Variants in CDH12 observed in about 807,000 individuals in gnomAD.
The protein encoded by CDH12 is cadherin-12.
A neutral mutation model predicts 74.1 loss-of-function variants in CDH12; 41 were observed. That is an observed-to-expected ratio of 0.55 (90% CI 0.43 to 0.72). The LOEUF (loss-of-function observed/expected upper bound fraction) is 0.72, where lower values mean the gene tolerates loss of function less well. CDH12 is among the 30% of genes least tolerant of loss of function. The pLI, the probability that CDH12 is intolerant of heterozygous loss-of-function variation, is 0.00. For synonymous variants in CDH12, 399 were observed against 355.0 expected (o/e 1.12, Z -1.39); for missense variants, 945 against 977.2 (o/e 0.97, Z 0.44).
intron 3 of CDH12, among the ~76,000 whole-genome samples, chr5:22,307,585 T>C (rs893333657): frequency 1.3e-5 from 2 of 152,304 alleles, no homozygotes; most frequent in Non-Finnish European, 2.9e-5. Flanking sequence ...GTTATTACAC[T>C]GTCCTCATCA....
chr5:21,852,570 G>T (rs745465644), intron 7 of CDH12, among the ~76,000 whole-genome samples: 1 of 151,060 alleles, frequency 6.6e-6, no homozygotes, highest in Non-Finnish European at 1.5e-5. Flanking sequence ...ATCTTTGTTT[G>T]ATTTTTATCT....
At position 22,548,916 on chromosome 5, in the gene CDH12, C is replaced by G. The variant is rs1281374682; in HGVS notation, c.-522-43552G>C. Reference sequence around the variant, plus strand: ...ATTGTCACCCCTCAAAACCATTTGACCACCAAATCCAGGGTTTTTTGTTTG... The same window carrying G: ...ATTGTCACCCCTCAAAACCATTTGAGCACCAAATCCAGGGTTTTTTGTTTG... On this transcript the variant is annotated intron_variant, in intron 1 of 14. Coordinates refer to ENST00000382254, the MANE Select transcript of CDH12 (RefSeq NM_004061.5). Among the ~76,000 whole-genome samples the G allele has an allele frequency of 2.0e-5, 3 of 152,042 alleles. No homozygotes were observed. In the South Asian group the frequency reaches 6.2e-4, roughly 32 times the overall value.
At chr5:22,214,308 T>C (rs376033539) in intron 3 of CDH12, among the ~76,000 whole-genome samples, 6 of 152,168 alleles carry the variant, frequency 3.9e-5, no homozygotes, top group Admixed American at 2.6e-4. Context: ...GACAGCCGAA[T>C]GTGAAGAAAC....
At chr5:21,994,177 G>GA in intron 5 of CDH12, among the ~76,000 whole-genome samples, 1 of 151,752 alleles carries the variant, frequency 6.6e-6, no homozygotes, top group East Asian at 1.9e-4. Flanking sequence ...CAGCTTTTTA[G>GA]AAAAAAGAGT....
At chr5:22,784,703 T>C (rs1218105190) in intron 1 of CDH12, among the ~76,000 whole-genome samples, 1 of 152,172 alleles carries the variant, frequency 6.6e-6, no homozygotes. Context: ...AACTCCATTA[T>C]TGTATTTTCC....
At chr5:22,037,873 T>C (rs992364447) in intron 5 of CDH12, among the ~76,000 whole-genome samples, 8 of 152,128 alleles carry the variant, frequency 5.3e-5, no homozygotes, top group Admixed American at 2.6e-4. Context: ...AGAAAATCCA[T>C]GGCCTCCACC....
chr5:22,269,885 T>G (rs1335170307), intron 3 of CDH12, among the ~76,000 whole-genome samples: 2 of 152,192 alleles, frequency 1.3e-5, no homozygotes, highest in Non-Finnish European at 2.9e-5. Context: ...CATTTTAGCT[T>G]TCATTTGAAA....
At chr5:22,097,254 GAACTCTGGCCC>G (rs1318015691) in intron 4 of CDH12, among the ~76,000 whole-genome samples, 60 of 152,244 alleles carry the variant, frequency 3.9e-4, no homozygotes, top group Admixed American at 1.5e-3. Context: ...AGAGCCCCTG[GAACTCTGGCCC>G]AAGGCTCTCT....
chr5:22,299,148 A>G (rs1737755465), intron 3 of CDH12, among the ~76,000 whole-genome samples: 1 of 152,208 alleles, frequency 6.6e-6, no homozygotes, highest in South Asian at 2.1e-4. Flanking sequence ...ATTTAGGAAA[A>G]TAAAGAGGAA....
chr5:22,474,247 T>C (rs1746081579), intron 2 of CDH12, among the ~76,000 whole-genome samples: 1 of 152,150 alleles, frequency 6.6e-6, no homozygotes, highest in African/African-American at 2.4e-5. Flanking sequence ...GAATGATGAC[T>C]GCAGCTGGGT....
At chr5:22,257,050 T>G (rs1235891828) in intron 3 of CDH12, among the ~76,000 whole-genome samples, 1 of 152,204 alleles carries the variant, frequency 6.6e-6, no homozygotes, top group Non-Finnish European at 1.5e-5. Flanking sequence ...GAGGCTGTTA[T>G]CCTTAGAAAA....
At chr5:22,539,834 C>A (rs748416444) in intron 1 of CDH12, among the ~76,000 whole-genome samples, 1 of 152,168 alleles carries the variant, frequency 6.6e-6, no homozygotes, top group Non-Finnish European at 1.5e-5. Context: ...TTATAAAAAT[C>A]GTATCTCTGA....
chr5:22,128,302 C>T (rs930038084), intron 4 of CDH12, among the ~76,000 whole-genome samples: 2 of 151,924 alleles, frequency 1.3e-5, no homozygotes, highest in African/African-American at 4.8e-5. Context: ...CAAGATGAAA[C>T]TCAGTAAGAT....
chr5:21,934,242 G>A (rs1210555509), intron 6 of CDH12, among the ~76,000 whole-genome samples: 1 of 152,172 alleles, frequency 6.6e-6, no homozygotes, highest in Non-Finnish European at 1.5e-5. Flanking sequence ...TTGGATCATA[G>A]GGGCAGAGTT....
intron 3 of CDH12, among the ~76,000 whole-genome samples, chr5:22,235,900 C>T (rs1399011520): frequency 6.6e-6 from 1 of 152,334 alleles, no homozygotes; most frequent in Non-Finnish European, 1.5e-5. Flanking sequence ...GCATACTACA[C>T]ACCTGGGCTA....
At chr5:22,555,367 A>G (rs535075104) in intron 1 of CDH12, among the ~76,000 whole-genome samples, 2 of 152,070 alleles carry the variant, frequency 1.3e-5, no homozygotes, top group Admixed American at 6.6e-5. Flanking sequence ...CTTCATTTAT[A>G]TAATGTCTTC....
chr5:21,969,043 AT>A, intron 6 of CDH12, among the ~76,000 whole-genome samples: 1 of 152,064 alleles, frequency 6.6e-6, no homozygotes, highest in Admixed American at 6.6e-5. Flanking sequence ...CTTAATACTT[AT>A]GTGATGGGTT....
intron 2 of CDH12, among the ~76,000 whole-genome samples, chr5:22,460,020 C>T (rs1745437896): frequency 6.6e-6 from 1 of 151,802 alleles, no homozygotes; most frequent in Non-Finnish European, 1.5e-5. Context: ...ATAAAATGAG[C>T]CAAATATTCT....
chr5:22,298,442 A>G (rs574849441), intron 3 of CDH12, among the ~76,000 whole-genome samples: 3 of 152,190 alleles, frequency 2.0e-5, no homozygotes, highest in African/African-American at 7.2e-5. Context: ...ATTTGCTTTT[A>G]TATATTATTG....
Sources: gnomAD v4.1 joint callset for allele counts (sites outside exome capture counted in the v4.1 genomes callset) on GRCh38, gnomAD v4.1.1 for gene constraint, MANE v1.5 for transcripts, NCBI Gene and HGNC (gene_info 2026-07-23, HGNC 2026-07-21) for gene names.